The following PPP2R2B variants were observed in gnomAD, a reference collection of about 807,000 sequenced individuals.
PPP2R2B encodes serine/threonine-protein phosphatase 2A 55 kDa regulatory subunit B beta isoform.
Under a neutral mutation model 46.0 loss-of-function variants are expected in PPP2R2B, and 5 were observed. The observed-to-expected ratio is 0.11, with a 90% CI of 0.06 to 0.23. PPP2R2B has a LOEUF of 0.23. Among genes scored for constraint, PPP2R2B ranks in the 10% least tolerant of loss-of-function variants. The pLI is 1.00. For synonymous variants in PPP2R2B, 215 were observed against 206.7 expected, an observed-to-expected ratio of 1.04 and a Z score of -0.34; for missense variants, 367 against 575.0, an observed-to-expected ratio of 0.64 and a Z score of 3.70.
At chr5:146,995,126 C>T (rs1383168) in intron 1 of PPP2R2B, among the ~76,000 whole-genome samples, 123,775 of 152,192 alleles carry the variant, frequency 0.81, 50,811 homozygotes, top group African/African-American at 0.91. Context: ...TTCATCTGGG[C>T]GTCTAATAAC....
intron 5 of PPP2R2B, among the ~76,000 whole-genome samples, chr5:146,660,149 G>A (rs1776585032): frequency 6.6e-6 from 1 of 152,158 alleles, no homozygotes; most frequent in African/African-American, 2.4e-5. Context: ...AAGCAACCTG[G>A]GGGGCAGAGT....
chr5:146,978,381 C>A (rs1250901257), intron 1 of PPP2R2B, among the ~76,000 whole-genome samples: 3 of 152,090 alleles, frequency 2.0e-5, no homozygotes, highest in African/African-American at 4.8e-5. Flanking sequence ...TTAATTAGAT[C>A]CCATTTGTCA....
chr5:146,893,882 G>GA (rs11341457), intron 1 of PPP2R2B, among the ~76,000 whole-genome samples: 33 of 121,284 alleles, frequency 2.7e-4, no homozygotes, highest in African/African-American at 5.9e-4. Flanking sequence ...AAGTAAAATT[G>GA]AAAAAAAAAA....
chr5:146,743,694 A>G lies in PPP2R2B; in HGVS notation c.71-42552T>C, dbSNP rs55634661. On this transcript the variant is annotated intron_variant, in intron 2 of 9. Transcript: ENST00000394411. Reference sequence around the variant, plus strand: ...TTTCATTTCCCTTCCTGTCAAGTTTATTTTCCCCAAGCTTCCTTTGGAATA... The same window carrying G: ...TTTCATTTCCCTTCCTGTCAAGTTTGTTTTCCCCAAGCTTCCTTTGGAATA... 8.9e-4 allele frequency among the ~76,000 whole-genome samples: 136 copies of G among 152,260 alleles called. 1 individual carries two copies. The highest frequency in any genetic ancestry group is 3.0e-3 in the African/African-American group (125 of 41,548).
chr5:147,039,515 A>G (rs1756196473), intron 1 of PPP2R2B, among the ~76,000 whole-genome samples: 1 of 152,152 alleles, frequency 6.6e-6, no homozygotes, highest in South Asian at 2.1e-4. Context: ...ATTAGAGTAC[A>G]AGATGGGAAA....
chr5:146,982,443 C>T (rs968277469), intron 1 of PPP2R2B, among the ~76,000 whole-genome samples: 1 of 152,094 alleles, frequency 6.6e-6, no homozygotes, highest in African/African-American at 2.4e-5. Context: ...AATTAGATGA[C>T]GTTTGATTTA....
chr5:146,770,723 C>T (rs529124360), intron 2 of PPP2R2B, among the ~76,000 whole-genome samples: 1 of 152,180 alleles, frequency 6.6e-6, no homozygotes, highest in Non-Finnish European at 1.5e-5. Context: ...CAGGAGGTGT[C>T]GTCTGAGTTG....
chr5:146,721,433 C>G (rs1780790252), intron 2 of PPP2R2B, among the ~76,000 whole-genome samples: 1 of 152,178 alleles, frequency 6.6e-6, no homozygotes, highest in African/African-American at 2.4e-5. Context: ...AGAAAACCCA[C>G]ACAGAAGAAT....
intron 1 of PPP2R2B, among the ~76,000 whole-genome samples, chr5:146,982,633 C>G (rs1047340220): frequency 5.3e-5 from 8 of 152,086 alleles, no homozygotes; most frequent in African/African-American, 1.9e-4. Context: ...AAGGGGTTGT[C>G]GAAGTCTCCA....
At chr5:146,590,848 G>A (rs1770571259) in intron 9 of PPP2R2B, among the ~76,000 whole-genome samples, 1 of 152,030 alleles carries the variant, frequency 6.6e-6, no homozygotes, top group African/African-American at 2.4e-5. Flanking sequence ...GTCTTATCTA[G>A]GAAACAAGTA....
At chr5:147,059,512 T>A (rs1028495815), upstream of PPP2R2B, among the ~76,000 whole-genome samples, 2 of 151,984 alleles carry the variant, frequency 1.3e-5, no homozygotes, top group African/African-American at 4.8e-5. Flanking sequence ...TCTAAAGCAA[T>A]GGCAGAGGTT....
chr5:146,702,574 T>C (rs1270333304), intron 2 of PPP2R2B, among the ~76,000 whole-genome samples: 2 of 152,262 alleles, frequency 1.3e-5, no homozygotes, highest in East Asian at 3.8e-4. Context: ...TGATTGCCTG[T>C]ATTGCCATGT....
At chr5:146,929,932 T>C (rs964961655) in intron 1 of PPP2R2B, among the ~76,000 whole-genome samples, 2 of 152,154 alleles carry the variant, frequency 1.3e-5, no homozygotes, top group African/African-American at 4.8e-5. Context: ...CCCACAATTT[T>C]ACAAATTAAA....
chr5:146,797,858 A>G (rs188669783), intron 2 of PPP2R2B, among the ~76,000 whole-genome samples: 2 of 152,286 alleles, frequency 1.3e-5, no homozygotes, highest in African/African-American at 2.4e-5. Context: ...GCGGCTGCCT[A>G]AAGACAGCTG....
intron 1 of PPP2R2B, among the ~76,000 whole-genome samples, chr5:146,907,505 A>G (rs1763040028): frequency 6.6e-6 from 1 of 152,230 alleles, no homozygotes. Flanking sequence ...AAAGTCTACA[A>G]CAGCATCTCT....
At chr5:146,920,192 TG>T (rs1763546894) in intron 1 of PPP2R2B, among the ~76,000 whole-genome samples, 1 of 152,188 alleles carries the variant, frequency 6.6e-6, no homozygotes, top group Admixed American at 6.6e-5. Flanking sequence ...GCAGAAAAGA[TG>T]AACAATCTCT....
At chr5:146,891,022 A>T (rs1762477274) in intron 1 of PPP2R2B, among the ~76,000 whole-genome samples, 1 of 152,206 alleles carries the variant, frequency 6.6e-6, no homozygotes, top group African/African-American at 2.4e-5. Context: ...GTTGAGTGCA[A>T]GTTTAGAATT....
chr5:146,835,508 T>G (rs139018648), intron 2 of PPP2R2B, among the ~76,000 whole-genome samples: 388 of 152,178 alleles, frequency 2.5e-3, no homozygotes, highest in African/African-American at 8.9e-3. Context: ...ATACTGAACT[T>G]GGGGCGGAAA....
Position 146,878,188 on chromosome 5 carries a change from G to C in PPP2R2B, c.-117C>G. 1 of 1,589,752 alleles carries C rather than the reference G, an allele frequency of 6.3e-7. No homozygotes were observed. Among genetic ancestry groups the C allele is most frequent in the Admixed American group, 1.8e-5 (1 of 55,308 alleles). On this transcript the variant is annotated 5_prime_UTR_variant, in exon 2 of 10. Transcript: ENST00000394411. This position sits in a 1 kb window ranked among gnomAD's most constrained non-coding sequence, Gnocchi z 4.5. ...GGGGAGCCAGTGGGACTGCACCATG[G>C]TCCGAGCCTGAGGAGGAGACGGGGA...
Sources: allele counts gnomAD v4.1 joint callset (sites outside exome capture counted in the v4.1 genomes callset), GRCh38; gene constraint gnomAD v4.1.1; non-coding constraint Gnocchi (gnomAD v3.1); transcripts MANE v1.5; gene names NCBI Gene and HGNC (gene_info 2026-07-23, HGNC 2026-07-21).